Variants in MYO9A observed in about 807,000 individuals in gnomAD.
The protein encoded by MYO9A is unconventional myosin-IXa.
Under a neutral mutation model 293.3 loss-of-function variants are expected in MYO9A, and 103 were observed. That is an observed-to-expected ratio of 0.35 (90% CI 0.30 to 0.41). The LOEUF is 0.41. Ranked by LOEUF, MYO9A falls within the 10% of genes least tolerant of loss-of-function variation. The pLI is 1.00. For missense variants in MYO9A, 2,685 were observed against 3,033.0 expected, an observed-to-expected ratio of 0.89 and a Z score of 2.69; for synonymous variants, 1,001 against 1,035.7, an observed-to-expected ratio of 0.97 and a Z score of 0.64.
At position 71,908,275 on chromosome 15, in the gene MYO9A, G is replaced by C. The variant is rs948124475; in HGVS notation, c.2686-3269C>G. Among the ~76,000 whole-genome samples the C allele has an allele frequency of 8.5e-5, 13 of 152,244 alleles. No individual in the cohort carries two copies. The South Asian group carries it at 2.7e-3, about 32-fold the overall frequency. ...GTTGTAGATATACAGCGTTATTTCT[G>C]AGGGCTCTGTTCTGTTCCATTGATC... On this transcript the variant is annotated intron_variant, in intron 19 of 41. Transcript: ENST00000356056.
rs376952464 is a variant in MYO9A at position 71,897,924 on chromosome 15, G to A, written c.4579C>T (p.Arg1527Cys). 47 of 1,613,982 alleles carry A rather than the reference G, an allele frequency of 2.9e-5. No homozygotes were observed. The highest frequency in any genetic ancestry group is 2.4e-4 in the African/African-American group (18 of 74,906). Residue 1527 changes from arginine (R) to cysteine (C), a missense_variant, in exon 25 of 42, where the codon CGC becomes TGC. Arg to Cys is a radical substitution (Grantham distance 180). This residue lies in a region of MYO9A where 1,434 missense variants were observed against 1,497.7 expected (regional missense o/e 0.96). Coordinates refer to ENST00000356056, the MANE Select transcript of MYO9A (RefSeq NM_006901.4). ...RQQTDILEKE[R>C]KAFKTIEKPR... Reference sequence around the variant, plus strand: ...TTTTCAATTGTCTTGAAGGCTTTGCGCTCCTTCTCTAAAATATCTGTTTGC... The same window carrying A: ...TTTTCAATTGTCTTGAAGGCTTTGCACTCCTTCTCTAAAATATCTGTTTGC...
chr15:71,867,209 CA>C (rs2056359100), intron 32 of MYO9A, among the ~76,000 whole-genome samples: 1 of 151,836 alleles, frequency 6.6e-6, no homozygotes, highest in South Asian at 2.1e-4. Context: ...TGATAAGAGG[CA>C]AAATTAGATT....
At chr15:71,934,591 AC>A (rs1194216973) in intron 17 of MYO9A, among the ~76,000 whole-genome samples, 2 of 150,994 alleles carry the variant, frequency 1.3e-5, no homozygotes, top group African/African-American at 4.9e-5. Context: ...ATAACTAATA[AC>A]TTTTTTTCCT....
At chr15:72,044,237 A>C (rs894404522) in intron 2 of MYO9A, among the ~76,000 whole-genome samples, 30 of 151,468 alleles carry the variant, frequency 2.0e-4, no homozygotes, top group Non-Finnish European at 3.5e-4. Flanking sequence ...AGAAACCCCT[A>C]CTCTACTAAA....
Position 71,898,517 on chromosome 15 carries a change from C to G in MYO9A, c.3986G>C (p.Gly1329Ala). 1.9e-6 allele frequency: 3 copies of G among 1,614,020 alleles called. No individual in the cohort carries two copies. Among genetic ancestry groups the G allele is most frequent in the Non-Finnish European group, 2.5e-6 (3 of 1,180,036 alleles). ...CTCATAGCTCAGAAGTTCCAAGCTT[C>G]CTTGAGAGCTCTCACTATCAGGTGT... ...RGTPDSESSQ[G>A]SLELLSYEES... is the part of the protein sequence containing the mutation. Residue 1329 changes from glycine (G) to alanine (A), a missense_variant, in exon 25 of 42, where the codon GGA (glycine) becomes GCA (alanine). Gly to Ala is a moderately conservative substitution (Grantham distance 60, BLOSUM62 0). Coordinates refer to ENST00000356056, the MANE Select transcript of MYO9A (RefSeq NM_006901.4).
In MYO9A at chr15:72,027,632, G is replaced by A. The variant is rs954766267; in HGVS notation, c.998+99C>T. The A allele has an allele frequency of 6.7e-5, 62 of 925,026 alleles. No individual in the cohort carries two copies. The Middle Eastern group carries it at 1.2e-3, about 17-fold the overall frequency. The allele number at this position is 925,026 out of a possible 1,614,324, so 57.3% of individuals were successfully genotyped here. ...AATTATGCATAAAGCTATGCATGAC[G>A]TAAACTGAATTAAGGGTCATAATAC... On this transcript the variant is annotated intron_variant, in intron 4 of 41. Transcript: ENST00000356056.
rs1475961500 is a variant in MYO9A, at chr15:71,956,350, T to TATATATATAA, written c.2182+3550_2182+3551insTTATATATAT. 3.1e-3 allele frequency among the ~76,000 whole-genome samples: 376 copies of TATATATATAA among 120,956 alleles called. 3 individuals carry two copies. Among genetic ancestry groups the TATATATATAA allele is most frequent in the Middle Eastern group, 8.3e-3 (2 of 240 alleles). 79.4% of individuals were successfully genotyped at this position (120,956 alleles called of 152,430 possible). ...AAAAAAATATATATATATATATATA[T>TATATATATAA]AAAATACGCCCAGCGTGGTGGCTCA... On this transcript the variant is annotated intron_variant, in intron 14 of 41. Transcript: ENST00000356056.
chr15:72,106,176 G>A (rs1357723351), intron 1 of MYO9A, among the ~76,000 whole-genome samples: 1 of 152,042 alleles, frequency 6.6e-6, no homozygotes, highest in African/African-American at 2.4e-5. Flanking sequence ...GAAAAAGATG[G>A]GGATGAAAAT....
At chr15:71,974,855 G>A (rs913921495) in intron 12 of MYO9A, among the ~76,000 whole-genome samples, 2 of 152,170 alleles carry the variant, frequency 1.3e-5, no homozygotes, top group African/African-American at 4.8e-5. Flanking sequence ...ATCTAAACCA[G>A]CACAGTGGCA....
At chr15:72,013,320 G>A (rs2077228855) in intron 6 of MYO9A, among the ~76,000 whole-genome samples, 1 of 152,140 alleles carries the variant, frequency 6.6e-6, no homozygotes, top group African/African-American at 2.4e-5. Flanking sequence ...TTCTGGAGAG[G>A]GAGCAGGCAG....
At chr15:71,946,272 T>C (rs1315338174) in intron 15 of MYO9A, among the ~76,000 whole-genome samples, 2 of 152,236 alleles carry the variant, frequency 1.3e-5, no homozygotes, top group African/African-American at 2.4e-5. Context: ...ATTGGTATAA[T>C]AGTCATTTCT....
chr15:71,869,469 G>A (rs2056439789), intron 32 of MYO9A, among the ~76,000 whole-genome samples: 1 of 152,086 alleles, frequency 6.6e-6, no homozygotes, highest in Non-Finnish European at 1.5e-5. Flanking sequence ...AAACTAAGAA[G>A]GCTAAGGAAC....
chr15:71,885,804 T>G (rs71395046), intron 27 of MYO9A, among the ~76,000 whole-genome samples: 2,066 of 152,242 alleles, frequency 0.014, 22 homozygotes, highest in East Asian at 0.024. Context: ...CTTTCCAAAG[T>G]TCCTACCATT....
chr15:72,111,374 A>G (rs1459211198), intron 1 of MYO9A, among the ~76,000 whole-genome samples: 3 of 150,984 alleles, frequency 2.0e-5, no homozygotes, highest in African/African-American at 7.3e-5. Flanking sequence ...CTGTAGTCCC[A>G]GCTACTCGGG....
Position 72,025,032 on chromosome 15 carries a change from G to A in MYO9A, c.998+2699C>T, listed in dbSNP as rs146091207. Among the ~76,000 whole-genome samples, 8 of 152,108 alleles carry A rather than the reference G, an allele frequency of 5.3e-5. No homozygotes were observed. The East Asian group carries it at 1.5e-3, about 29-fold the overall frequency. ...TGCTCTAATCTAAAGGTAGATAAAT[G>A]GCAGAATGGATAAAAGGAAAATGTA... On this transcript the variant is annotated intron_variant, in intron 4 of 41. Coordinates refer to ENST00000356056, the MANE Select transcript of MYO9A (RefSeq NM_006901.4).
intron 2 of MYO9A, among the ~76,000 whole-genome samples, chr15:72,033,834 T>C (rs1352385369): frequency 1.3e-5 from 2 of 152,222 alleles, no homozygotes; most frequent in Admixed American, 6.5e-5. Context: ...TTTTTAAAAA[T>C]GAAGCCACTG....
chr15:71,875,823 T>C lies in MYO9A; in HGVS notation c.5947A>G (p.Arg1983Gly), dbSNP rs759349453. 36 of 1,369,812 alleles carry C rather than the reference T, an allele frequency of 2.6e-5. No individual in the cohort carries two copies. In the African/African-American group the frequency reaches 5.0e-4, roughly 19 times the overall value. 84.9% of individuals were successfully genotyped at this position (1,369,812 alleles called of 1,614,324 possible). The change falls in exon 32 of 42, where the codon AGA becomes GGA. Residue 1983 changes from arginine to glycine, a missense_variant. Transcript: ENST00000356056. ...CTATKVPKTE[R>G]KKRRKKETDL... ...GTTTCCTTTTTCCTTCTTTTCTTTCTTTCTGTTTTTGGCACCTGACAGGGG... is the reference window on the plus strand; with the variant it reads ...GTTTCCTTTTTCCTTCTTTTCTTTCCTTCTGTTTTTGGCACCTGACAGGGG...
chr15:71,848,852 C>T lies in MYO9A; in HGVS notation c.6830G>A (p.Arg2277Lys), dbSNP rs148633559. ...KAKTRLSLIRRSMGKGRIRRG... is the reference protein window; with the variant it reads ...KAKTRLSLIRKSMGKGRIRRG... Reference sequence around the variant, plus strand: ...CCATGTGTTGCATCTTACCATTGATCTACGAATCAGTGACAACCTGGTCTT... The same window carrying T: ...CCATGTGTTGCATCTTACCATTGATTTACGAATCAGTGACAACCTGGTCTT... Residue 2277 changes from arginine (R) to lysine (K), a missense_variant, in exon 39 of 42, where the codon AGA becomes AAA. This residue lies in a region of MYO9A where 350 missense variants were observed against 328.9 expected (regional missense o/e 1.06). Coordinates refer to ENST00000356056, the MANE Select transcript of MYO9A (RefSeq NM_006901.4). 4.1e-5 allele frequency: 66 copies of T among 1,602,922 alleles called. 1 individual carries two copies. The African/African-American group carries it at 8.1e-4, about 20-fold the overall frequency.
intron 1 of MYO9A, among the ~76,000 whole-genome samples, chr15:72,115,873 A>C (rs932297578): frequency 1.3e-5 from 2 of 152,216 alleles, no homozygotes; most frequent in African/African-American, 4.8e-5. Context: ...CATTTAAAAG[A>C]AAAGCATGTA....
Sources: gnomAD v4.1 joint callset for allele counts (sites outside exome capture counted in the v4.1 genomes callset) on GRCh38, gnomAD v4.1.1 for gene constraint, gnomAD v4.1.1 regional missense constraint, MANE v1.5 for transcripts, NCBI Gene and HGNC (gene_info 2026-07-23, HGNC 2026-07-21) for gene names.